The following TNFRSF8 variants were observed in gnomAD, a reference collection of about 807,000 sequenced individuals.
The protein encoded by TNFRSF8 is tumor necrosis factor receptor superfamily member 8.
TNFRSF8 carries 26 observed loss-of-function variants against 70.8 expected under a neutral mutation model. That is an observed-to-expected ratio of 0.37 (90% CI 0.27 to 0.51). The LOEUF (loss-of-function observed/expected upper bound fraction) is 0.51, where lower values mean the gene tolerates loss of function less well. Ranked by LOEUF, TNFRSF8 falls within the 20% of genes least tolerant of loss-of-function variation. The pLI is 0.94. For missense variants in TNFRSF8, 720 were observed against 807.9 expected (o/e 0.89, Z 1.32); for synonymous variants, 356 against 339.2 (o/e 1.05, Z -0.54).
At chr1:12,130,260 G>T (rs1265018256) in intron 12 of TNFRSF8, among the ~76,000 whole-genome samples, 2 of 152,132 alleles carry the variant, frequency 1.3e-5, no homozygotes, top group East Asian at 3.9e-4. Context: ...TGGATTCATG[G>T]GGCCCTGTTC....
At chr1:12,133,382 G>C (rs1642086739) in intron 12 of TNFRSF8, among the ~76,000 whole-genome samples, 1 of 151,156 alleles carries the variant, frequency 6.6e-6, no homozygotes, top group Non-Finnish European at 1.5e-5. Context: ...AAGAACAGTT[G>C]GCTGCTTGTA....
intron 6 of TNFRSF8, among the ~76,000 whole-genome samples, chr1:12,111,142 T>C (rs1641622376): frequency 6.6e-6 from 1 of 152,184 alleles, no homozygotes; most frequent in Non-Finnish European, 1.5e-5. Flanking sequence ...TCCCGCTCCA[T>C]GGCTTTGCTT....
At chr1:12,139,824 T>C (rs1276497502) in intron 14 of TNFRSF8, among the ~76,000 whole-genome samples, 2 of 152,110 alleles carry the variant, frequency 1.3e-5, no homozygotes, top group Non-Finnish European at 2.9e-5. Context: ...TTAGTAGAGA[T>C]GGGGTTTCAC....
chr1:12,090,822 A>T (rs561604944), intron 2 of TNFRSF8, among the ~76,000 whole-genome samples: 3 of 152,118 alleles, frequency 2.0e-5, no homozygotes, highest in Non-Finnish European at 4.4e-5. Context: ...CCAGAAGTAG[A>T]CTGTTATGGG....
chr1:12,115,715 T>C lies in TNFRSF8; in HGVS notation c.932T>C (p.Val311Ala). The change falls in exon 8 of 15, where the codon GTC becomes GCC. Residue 311 changes from valine to alanine, a missense_variant. Physicochemically the swap from Val to Ala is moderately conservative, Grantham distance 64. Coordinates refer to ENST00000263932, the MANE Select transcript of TNFRSF8 (RefSeq NM_001243.5). Reference sequence around the variant, plus strand: ...TACCCAATCTGTGCAGCAGAGACGGTCACCAAGCCCCAGGGTAAGCAGTTC... The same window carrying C: ...TACCCAATCTGTGCAGCAGAGACGGCCACCAAGCCCCAGGGTAAGCAGTTC... ...VPYPICAAET[V>A]TKPQDMAEKD... The C allele has an allele frequency of 6.2e-7, 1 of 1,614,046 alleles. No individual in the cohort carries two copies. The highest frequency in any genetic ancestry group is 8.5e-7 in the Non-Finnish European group (1 of 1,179,988).
chr1:12,096,666 GGGACTGCTGTA>G (rs1031369110), intron 2 of TNFRSF8, among the ~76,000 whole-genome samples: 4 of 152,156 alleles, frequency 2.6e-5, no homozygotes, highest in Non-Finnish European at 5.9e-5. Flanking sequence ...TTGGGTGCCA[GGGACTGCTGTA>G]GTACTTTATA....
intron 3 of TNFRSF8, among the ~76,000 whole-genome samples, chr1:12,097,511 T>A (rs944268759): frequency 1.3e-5 from 2 of 152,194 alleles, no homozygotes; most frequent in Non-Finnish European, 2.9e-5. Flanking sequence ...ATCCTTACTT[T>A]ACAATGAGGA....
chr1:12,111,858 A>G (rs763649990), intron 6 of TNFRSF8, 40 bp from the exon 7 acceptor site: 15 of 1,588,646 alleles, frequency 9.4e-6, no homozygotes, highest in Non-Finnish European at 1.3e-5. Flanking sequence ...GGCCTTTGCC[A>G]AGGCGGCCTG....
At chr1:12,069,420 C>T (rs1292171106) in intron 1 of TNFRSF8, among the ~76,000 whole-genome samples, 1 of 150,768 alleles carries the variant, frequency 6.6e-6, no homozygotes, top group Non-Finnish European at 1.5e-5. Context: ...CTCAGACGAG[C>T]CCCCCCGCCT....
chr1:12,104,488 C>T lies in TNFRSF8; in HGVS notation c.378C>T (p.Phe126=). The change falls in exon 4 of 15, where the codon TTC becomes TTT. Residue 126 remains phenylalanine (F), a synonymous_variant. Coordinates refer to ENST00000263932, the MANE Select transcript of TNFRSF8 (RefSeq NM_001243.5). ...TSAVNSCARC[F]FHSVCPAGMI... is the part of the protein sequence containing the mutation. Reference sequence around the variant, plus strand: ...CCGTCAACTCCTGTGCCCGCTGCTTCTTCCATTCTGTCTGTCCGGCAGGGA... The same window carrying T: ...CCGTCAACTCCTGTGCCCGCTGCTTTTTCCATTCTGTCTGTCCGGCAGGGA... 1 of 1,614,234 alleles carries T rather than the reference C, an allele frequency of 6.2e-7. No homozygotes were observed. Among genetic ancestry groups the T allele is most frequent in the Non-Finnish European group, 8.5e-7 (1 of 1,180,036 alleles).
Position 12,129,714 on chromosome 1 carries a change from G to A in TNFRSF8, c.1309+3478G>A, listed in dbSNP as rs533274678. Among the ~76,000 whole-genome samples, 10 of 152,238 alleles carry A rather than the reference G, an allele frequency of 6.6e-5. No homozygotes were observed. In the South Asian group the frequency reaches 2.1e-3, roughly 32 times the overall value. Reference sequence around the variant, plus strand: ...ATGATGCTGGCCTCTTCTCTCTCAGGGCGTCCTGCCAGGTTTCGATGTCTC... The same window carrying A: ...ATGATGCTGGCCTCTTCTCTCTCAGAGCGTCCTGCCAGGTTTCGATGTCTC... On this transcript the variant is annotated intron_variant, in intron 12 of 14. Coordinates refer to ENST00000263932, the MANE Select transcript of TNFRSF8 (RefSeq NM_001243.5).
chr1:12,067,566 G>A (rs1640763538), intron 1 of TNFRSF8, among the ~76,000 whole-genome samples: 1 of 152,004 alleles, frequency 6.6e-6, no homozygotes, highest in South Asian at 2.1e-4. Flanking sequence ...GCAGGCGCCT[G>A]TAATCCCAGC....
In TNFRSF8 at chr1:12,088,544, G is replaced by A. The variant is rs142901255; in HGVS notation, c.151+3993G>A. On this transcript the variant is annotated intron_variant, in intron 2 of 14. Transcript: ENST00000263932. The surrounding 1 kb of genome is among the most constrained non-coding windows in gnomAD (Gnocchi z 4.0). ...GAGTTTACGAGTGAAGAGCTAATGC[G>A]GGGGCTACAAAGCCCTTCCTGTTCT... Among the ~76,000 whole-genome samples the A allele has an allele frequency of 0.017, 2,615 of 152,232 alleles. 241 individuals carry two copies. The highest frequency in any genetic ancestry group is 0.15 in the Admixed American group (2,319 of 15,282).
chr1:12,089,815 A>G (rs899961398), intron 2 of TNFRSF8, among the ~76,000 whole-genome samples: 3 of 151,420 alleles, frequency 2.0e-5, no homozygotes, highest in South Asian at 2.1e-4. Flanking sequence ...CCATCCATCC[A>G]TCCGTTCATC....
At chr1:12,076,933 C>T (rs911261336) in intron 1 of TNFRSF8, among the ~76,000 whole-genome samples, 5 of 152,074 alleles carry the variant, frequency 3.3e-5, no homozygotes, top group Admixed American at 6.5e-5. Flanking sequence ...TCCCCTAAAA[C>T]GTCCATACAT....
chr1:12,118,955 C>A (rs1045350729), intron 8 of TNFRSF8, among the ~76,000 whole-genome samples: 2 of 152,152 alleles, frequency 1.3e-5, no homozygotes, highest in African/African-American at 4.8e-5. Flanking sequence ...ACCTCCACCT[C>A]CCGGGTTCAA....
intron 4 of TNFRSF8, among the ~76,000 whole-genome samples, chr1:12,106,821 G>A (rs1312989135): frequency 6.6e-6 from 1 of 152,126 alleles, no homozygotes; most frequent in Non-Finnish European, 1.5e-5. Flanking sequence ...TCTGGACCTC[G>A]GTCTCCCCAT....
chr1:12,063,716 G>T lies in TNFRSF8; in HGVS notation c.63+55G>T, dbSNP rs1640688297. The stretch of plus-strand genomic sequence containing the variant: ...GCCGGCGGTCCAGAGCCCGGACAGT[G>T]TGGGGTGCGTGGGACGCAAGGGAGG... On this transcript the variant is annotated intron_variant, in intron 1 of 14. Transcript: ENST00000263932. The surrounding 1 kb of genome is among the most constrained non-coding windows in gnomAD (Gnocchi z 7.2). 2 of 1,249,458 alleles carry T rather than the reference G, an allele frequency of 1.6e-6. No homozygotes were observed. The highest frequency in any genetic ancestry group is 1.6e-5 in the African/African-American group (1 of 64,512). The allele number at this position is 1,249,458 out of a possible 1,614,324, so 77.4% of individuals were successfully genotyped here.
At chr1:12,106,387 C>T (rs925284163) in intron 4 of TNFRSF8, among the ~76,000 whole-genome samples, 6 of 152,190 alleles carry the variant, frequency 3.9e-5, no homozygotes, top group Admixed American at 3.3e-4. Context: ...AAGAGGCCTT[C>T]CCTGGCCTCT....
Sources: allele counts gnomAD v4.1 joint callset (sites outside exome capture counted in the v4.1 genomes callset), GRCh38; gene constraint gnomAD v4.1.1; non-coding constraint Gnocchi (gnomAD v3.1); transcripts MANE v1.5; gene names NCBI Gene and HGNC (gene_info 2026-07-23, HGNC 2026-07-21).